Variants in SPATA6 observed in about 807,000 individuals in gnomAD.
SPATA6 encodes spermatogenesis associated 6, also known as spermatogenesis-associated protein 6.
In SPATA6, 56 loss-of-function variants were observed where a neutral mutation model predicts 65.3. That is an observed-to-expected ratio of 0.86 (90% CI 0.69 to 1.07). The LOEUF (loss-of-function observed/expected upper bound fraction) is 1.07. Among genes scored for constraint, SPATA6 ranks in the 50% least tolerant of loss-of-function variants. SPATA6 has a pLI of 0.00. For missense variants in SPATA6, 590 were observed against 594.8 expected, an observed-to-expected ratio of 0.99 and a Z score of 0.08; for synonymous variants, 199 against 213.2, an observed-to-expected ratio of 0.93 and a Z score of 0.58.
rs145643325 is a variant in SPATA6, at chr1:48,332,369, T to A, written c.1194+23301A>T. 3.0e-4 allele frequency among the ~76,000 whole-genome samples: 46 copies of A among 152,178 alleles called. 1 individual carries two copies. In the East Asian group the frequency reaches 8.7e-3, roughly 29 times the overall value. On this transcript the variant is annotated intron_variant, in intron 11 of 12. Coordinates refer to ENST00000371847, the MANE Select transcript of SPATA6 (RefSeq NM_019073.4). ...TCACATGCAATGTCATCAACAGGCT[T>A]AAAATAAAGGGATGATGAAATATCT...
chr1:48,282,464 A>G, the SPATA6 span, among the ~76,000 whole-genome samples: 1 of 152,232 alleles, frequency 6.6e-6, no homozygotes, highest in African/African-American at 2.4e-5. Context: ...TCCAGAATCT[A>G]CAATGAACTC....
chr1:48,318,226 A>T (rs1297178400), intron 11 of SPATA6, among the ~76,000 whole-genome samples: 5 of 152,190 alleles, frequency 3.3e-5, no homozygotes, highest in South Asian at 4.1e-4. Context: ...GAATAAAACA[A>T]GGATGGGCAC....
intron 6 of SPATA6, among the ~76,000 whole-genome samples, chr1:48,401,587 C>T (rs372629621): frequency 2.0e-5 from 3 of 152,128 alleles, no homozygotes; most frequent in African/African-American, 7.2e-5. Context: ...ATTCCTAAAA[C>T]CTTCCTGCCA....
At chr1:48,426,049 C>T (rs1653804117) in intron 3 of SPATA6, among the ~76,000 whole-genome samples, 1 of 152,094 alleles carries the variant, frequency 6.6e-6, no homozygotes, top group African/African-American at 2.4e-5. Context: ...ATGTAAGCCA[C>T]AGAGTGGGAC....
the SPATA6 span, among the ~76,000 whole-genome samples, chr1:48,280,237 T>G: frequency 1.3e-5 from 2 of 151,908 alleles, no homozygotes; most frequent in African/African-American, 4.8e-5. Flanking sequence ...GCAGGAAAGA[T>G]GCAAAATTGA....
chr1:48,466,327 G>T (rs1657804382), intron 1 of SPATA6, among the ~76,000 whole-genome samples: 1 of 152,004 alleles, frequency 6.6e-6, no homozygotes, highest in African/African-American at 2.4e-5. Flanking sequence ...CTCAAAAACA[G>T]TGAATCAGAA....
Position 48,472,147 on chromosome 1 carries a change from G to C in SPATA6, c.-139C>G. Reference sequence around the variant, plus strand: ...AGTGGCCCCCAGGCCGGGGCCCGCGGTCCAGCCTGGGTTCCGCCGGAGAAG... The same window carrying C: ...AGTGGCCCCCAGGCCGGGGCCCGCGCTCCAGCCTGGGTTCCGCCGGAGAAG... On this transcript the variant is annotated 5_prime_UTR_variant, in exon 1 of 13. Coordinates refer to ENST00000371847, the MANE Select transcript of SPATA6 (RefSeq NM_019073.4). The C allele has an allele frequency of 1.6e-6, 1 of 641,494 alleles. No individual in the cohort carries two copies. 39.7% of individuals were successfully genotyped at this position (641,494 alleles called of 1,614,324 possible). A position where few individuals can be genotyped will look rare whatever the true frequency, so the allele number is the denominator to read the frequency against.
chr1:48,319,134 C>T (rs1608693), intron 11 of SPATA6, among the ~76,000 whole-genome samples: 1 of 151,980 alleles, frequency 6.6e-6, no homozygotes, highest in African/African-American at 2.4e-5. Context: ...GATCAATGAC[C>T]TAAATGTAAA....
intron 11 of SPATA6, among the ~76,000 whole-genome samples, chr1:48,340,107 G>C (rs1236332642): frequency 6.6e-6 from 1 of 151,588 alleles, no homozygotes; most frequent in East Asian, 1.9e-4. Context: ...TAATAGAATA[G>C]TGCCTTTAAA....
chr1:48,388,558 G>C (rs1292591337), intron 8 of SPATA6, among the ~76,000 whole-genome samples: 1 of 152,080 alleles, frequency 6.6e-6, no homozygotes, highest in African/African-American at 2.4e-5. Context: ...CACTCAGTGA[G>C]ATACAAGGCA....
intron 11 of SPATA6, among the ~76,000 whole-genome samples, chr1:48,322,298 G>T (rs1645620868): frequency 1.3e-5 from 2 of 152,074 alleles, no homozygotes; most frequent in South Asian, 4.1e-4. Flanking sequence ...TGACAAATCT[G>T]ACAAAAACAA....
At chr1:48,337,791 C>G (rs1167327192) in intron 11 of SPATA6, among the ~76,000 whole-genome samples, 1 of 151,788 alleles carries the variant, frequency 6.6e-6, no homozygotes, top group Non-Finnish European at 1.5e-5. Flanking sequence ...CATGCTAGAC[C>G]TATGAAATGA....
intron 1 of SPATA6, among the ~76,000 whole-genome samples, chr1:48,455,564 T>C (rs1001703741): frequency 1.3e-5 from 2 of 152,094 alleles, no homozygotes; most frequent in Non-Finnish European, 2.9e-5. Context: ...GTATTTTTAA[T>C]GGAGACGGGG....
chr1:48,406,349 T>C (rs1651703238), intron 5 of SPATA6, among the ~76,000 whole-genome samples: 1 of 152,078 alleles, frequency 6.6e-6, no homozygotes, highest in Non-Finnish European at 1.5e-5. Context: ...AGTTATCTCC[T>C]TTATTTAAAG....
intron 9 of SPATA6, among the ~76,000 whole-genome samples, chr1:48,382,329 G>T (rs1280169919): frequency 1.5e-5 from 1 of 68,152 alleles, no homozygotes; most frequent in Non-Finnish European, 3.0e-5. Context: ...CTGGCCGGGC[G>T]GGGGGCTGAC....
chr1:48,424,775 ATTTG>A, intron 3 of SPATA6, among the ~76,000 whole-genome samples: 2 of 152,298 alleles, frequency 1.3e-5, no homozygotes, highest in African/African-American at 4.8e-5. Flanking sequence ...CCAGTCTGCC[ATTTG>A]TAAGTCTTCT....
chr1:48,286,879 G>A, the SPATA6 span, among the ~76,000 whole-genome samples: 1 of 151,670 alleles, frequency 6.6e-6, no homozygotes, highest in African/African-American at 2.4e-5. Flanking sequence ...TCTACTAAAA[G>A]TACAAAAAAT....
intron 3 of SPATA6, among the ~76,000 whole-genome samples, chr1:48,415,940 C>A (rs1652735895): frequency 6.6e-6 from 1 of 152,154 alleles, no homozygotes; most frequent in African/African-American, 2.4e-5. Flanking sequence ...CGGTGGCTCA[C>A]ACCTATAATC....
intron 9 of SPATA6, among the ~76,000 whole-genome samples, chr1:48,366,321 G>C (rs1383956106): frequency 6.6e-6 from 1 of 152,128 alleles, no homozygotes; most frequent in African/African-American, 2.4e-5. Flanking sequence ...AATGAGTTAG[G>C]GAGGATTCCC....
Sources: allele counts gnomAD v4.1 joint callset (sites outside exome capture counted in the v4.1 genomes callset), GRCh38; gene constraint gnomAD v4.1.1; transcripts MANE v1.5; gene names NCBI Gene and HGNC (gene_info 2026-07-23, HGNC 2026-07-21).